The following NUBPL variants were observed in gnomAD, a reference collection of about 807,000 sequenced individuals.
NUBPL encodes the protein NUBP iron-sulfur cluster assembly factor, mitochondrial, also known as iron-sulfur cluster transfer protein NUBPL.
Under a neutral mutation model 45.7 loss-of-function variants are expected in NUBPL, and 31 were observed. That is an observed-to-expected ratio of 0.68 (90% CI 0.51 to 0.92). NUBPL has a LOEUF of 0.92. Ranked by LOEUF, NUBPL falls within the 40% of genes least tolerant of loss-of-function variation. The pLI is 0.00. For missense variants in NUBPL, 401 were observed against 398.7 expected, an observed-to-expected ratio of 1.01 and a Z score of -0.05; for synonymous variants, 144 against 140.9, an observed-to-expected ratio of 1.02 and a Z score of -0.15.
chr14:31,571,527 G>A (rs2033584022), intron 3 of NUBPL, among the ~76,000 whole-genome samples: 2 of 151,300 alleles, frequency 1.3e-5, no homozygotes, highest in Admixed American at 1.3e-4. Flanking sequence ...TCGGCTCACT[G>A]CAACCTCTGC....
chr14:31,774,735 A>G (rs1247916277), intron 6 of NUBPL, among the ~76,000 whole-genome samples: 1 of 152,212 alleles, frequency 6.6e-6, no homozygotes, highest in African/African-American at 2.4e-5. Context: ...ATATTATTTG[A>G]GGAAAACATG....
intron 7 of NUBPL, among the ~76,000 whole-genome samples, chr14:31,813,858 C>T (rs2039864481): frequency 6.6e-6 from 1 of 152,216 alleles, no homozygotes; most frequent in Admixed American, 6.5e-5. Flanking sequence ...CTACAAAGAA[C>T]ATGAACTCAT....
chr14:31,818,421 T>G (rs1433221284), intron 7 of NUBPL, among the ~76,000 whole-genome samples: 1 of 152,240 alleles, frequency 6.6e-6, no homozygotes, highest in Non-Finnish European at 1.5e-5. Context: ...TCACATGCTA[T>G]CTCTCACCAG....
intron 4 of NUBPL, among the ~76,000 whole-genome samples, chr14:31,620,970 G>T (rs1244206548): frequency 1.3e-5 from 2 of 152,168 alleles, no homozygotes; most frequent in Non-Finnish European, 2.9e-5. Context: ...TTCTTTCAGA[G>T]ATGCCCTGCC....
intron 3 of NUBPL, among the ~76,000 whole-genome samples, chr14:31,587,187 C>T (rs555031500): frequency 5.1e-4 from 77 of 152,102 alleles, no homozygotes; most frequent in African/African-American, 1.4e-3. Context: ...ACAAGTTGCC[C>T]GGGTGGTTCT....
At chr14:31,744,473 C>T (rs891867085) in intron 6 of NUBPL, among the ~76,000 whole-genome samples, 6 of 151,872 alleles carry the variant, frequency 4.0e-5, no homozygotes, top group East Asian at 3.9e-4. Context: ...TAAAAATAAA[C>T]GCCACAAAAA....
intron 6 of NUBPL, among the ~76,000 whole-genome samples, chr14:31,695,450 G>T (rs544646041): frequency 1.3e-5 from 2 of 151,422 alleles, no homozygotes; most frequent in Non-Finnish European, 2.9e-5. Flanking sequence ...ACTCACTATG[G>T]TTTGGGTGTT....
At position 31,573,510 on chromosome 14, in the gene NUBPL, T is replaced by A. The variant is rs373296749; in HGVS notation, c.291+8462T>A. Among the ~76,000 whole-genome samples the A allele has an allele frequency of 5.9e-5, 9 of 152,332 alleles. No individual in the cohort carries two copies. The East Asian group carries it at 9.6e-4, about 16-fold the overall frequency. Reference sequence around the variant, plus strand: ...AGCATGTGTAAAACCAAACTCTTCATCCCTGTGACTGTCTTTGTCTCATGG... The same window carrying A: ...AGCATGTGTAAAACCAAACTCTTCAACCCTGTGACTGTCTTTGTCTCATGG... On this transcript the variant is annotated intron_variant, in intron 3 of 10. Transcript: ENST00000281081.
intron 6 of NUBPL, among the ~76,000 whole-genome samples, chr14:31,700,776 C>T (rs963949636): frequency 6.6e-6 from 1 of 152,176 alleles, no homozygotes; most frequent in Non-Finnish European, 1.5e-5. Context: ...CTCAGCCGCC[C>T]CTCCACAGGG....
rs745708484 is a variant in NUBPL, at chr14:31,628,638, TCATC to T, written c.382+29261_382+29264del. On this transcript the variant is annotated intron_variant, in intron 4 of 10. Transcript: ENST00000281081. ...GTCTGAATAGCCCTTTTTTTTCTGTTCATCCTTTTGTCTTCCAAGTAAAAATGAT... is the reference window on the plus strand; with the variant it reads ...GTCTGAATAGCCCTTTTTTTTCTGTTCTTTTGTCTTCCAAGTAAAAATGAT... Among the ~76,000 whole-genome samples, 7 of 152,322 alleles carry T rather than the reference TCATC, an allele frequency of 4.6e-5. No homozygotes were observed. The South Asian group carries it at 1.4e-3, about 32-fold the overall frequency.
intron 6 of NUBPL, among the ~76,000 whole-genome samples, chr14:31,705,331 A>G (rs1314787711): frequency 6.6e-6 from 1 of 152,238 alleles, no homozygotes; most frequent in Non-Finnish European, 1.5e-5. Flanking sequence ...CAAAGCTTCC[A>G]CAGCGTGGAA....
chr14:31,741,029 A>G (rs1040800763), intron 6 of NUBPL, among the ~76,000 whole-genome samples: 4 of 152,110 alleles, frequency 2.6e-5, no homozygotes, highest in African/African-American at 7.2e-5. Flanking sequence ...TACTTTGTCC[A>G]TTAGAGCCCT....
At chr14:31,598,522 G>GA (rs1222436481) in intron 3 of NUBPL, among the ~76,000 whole-genome samples, 1 of 151,520 alleles carries the variant, frequency 6.6e-6, no homozygotes, top group East Asian at 1.9e-4. Context: ...AGGGGAAGAA[G>GA]AAAAAAAAGA....
chr14:31,853,738 C>T (rs1269598379), intron 10 of NUBPL, among the ~76,000 whole-genome samples: 2 of 152,114 alleles, frequency 1.3e-5, no homozygotes, highest in African/African-American at 2.4e-5. Flanking sequence ...ACCTTCTGCA[C>T]ATGTACACCA....
chr14:31,748,101 A>G (rs2038440619), intron 6 of NUBPL, among the ~76,000 whole-genome samples: 1 of 152,084 alleles, frequency 6.6e-6, no homozygotes, highest in Non-Finnish European at 1.5e-5. Context: ...CTGTATTTGT[A>G]CTATTTCCAA....
chr14:31,585,223 G>A (rs567839081), intron 3 of NUBPL, among the ~76,000 whole-genome samples: 39 of 151,940 alleles, frequency 2.6e-4, no homozygotes, highest in African/African-American at 8.5e-4. Context: ...TAACACTAGC[G>A]ATAGTTGATG....
chr14:31,654,353 C>T (rs2036087913), intron 4 of NUBPL, among the ~76,000 whole-genome samples: 1 of 151,476 alleles, frequency 6.6e-6, no homozygotes, highest in African/African-American at 2.4e-5. Context: ...TTGCTGCTGA[C>T]TGATCAGGGT....
At chr14:31,745,205 C>A (rs1321491135) in intron 6 of NUBPL, among the ~76,000 whole-genome samples, 1 of 152,120 alleles carries the variant, frequency 6.6e-6, no homozygotes, top group East Asian at 1.9e-4. Context: ...TCCCCGCTCT[C>A]CCCACCCCAC....
chr14:31,690,646 A>G (rs932845511), intron 6 of NUBPL, among the ~76,000 whole-genome samples: 10 of 152,210 alleles, frequency 6.6e-5, no homozygotes, highest in African/African-American at 2.2e-4. Flanking sequence ...CCCAAAAGAA[A>G]TTCCTGCTGG....
Sources: gnomAD v4.1 joint callset for allele counts (sites outside exome capture counted in the v4.1 genomes callset) on GRCh38, gnomAD v4.1.1 for gene constraint, MANE v1.5 for transcripts, NCBI Gene and HGNC (gene_info 2026-07-23, HGNC 2026-07-21) for gene names.